XYLB: variants seen among roughly 807,000 people sequenced by gnomAD.
The protein encoded by XYLB is xylulose kinase.
Under a neutral mutation model 78.7 loss-of-function variants are expected in XYLB, and 62 were observed. The observed-to-expected ratio is 0.79, with a 90% CI of 0.64 to 0.97. The LOEUF is 0.97. Among genes scored for constraint, XYLB ranks in the 50% least tolerant of loss-of-function variants. The pLI is 0.00. For missense variants in XYLB, 687 were observed against 676.8 expected (o/e 1.02, Z -0.17); for synonymous variants, 245 against 247.4 (o/e 0.99, Z 0.09).
chr3:38,362,675 TGGA>T (rs1428757684), intron 3 of XYLB, among the ~76,000 whole-genome samples: 1 of 152,078 alleles, frequency 6.6e-6, no homozygotes, highest in African/African-American at 2.4e-5. Flanking sequence ...GAAAAAAAAA[TGGA>T]GAAGTAAAAT....
intron 18 of XYLB, among the ~76,000 whole-genome samples, chr3:38,404,490 A>G (rs555127165): frequency 1.3e-5 from 2 of 152,328 alleles, no homozygotes; most frequent in Non-Finnish European, 2.9e-5. Context: ...CTGCACCAAG[A>G]GTAGGCCCCA....
chr3:38,435,496 G>T, the XYLB span, among the ~76,000 whole-genome samples: 3 of 152,094 alleles, frequency 2.0e-5, 1 homozygote, highest in South Asian at 6.2e-4. Context: ...AATCATAGTG[G>T]GGGACTTCAA....
rs754073174 is a variant in XYLB at position 38,370,175 on chromosome 3, G to T, written c.765+1G>T. 6.2e-7 allele frequency: 1 copy of T among 1,609,322 alleles called. No homozygotes were observed. The highest frequency in any genetic ancestry group is 1.7e-5 in the Admixed American group (1 of 59,712). On this transcript the variant is annotated splice_donor_variant, in intron 9 of 18. Transcript: ENST00000207870. LOFTEE classifies it high-confidence loss of function. ...ACCAGTACCATCATGCTCAGTTGTG[G>T]TAGGTCTCCTTTCTGGTGATGTGGC...
At chr3:38,447,236 C>G in the XYLB span, among the ~76,000 whole-genome samples, 1 of 152,152 alleles carries the variant, frequency 6.6e-6, no homozygotes, top group African/African-American at 2.4e-5. Flanking sequence ...CTTATCCCAG[C>G]TGGAATGGCT....
At chr3:38,443,938 G>A in the XYLB span, among the ~76,000 whole-genome samples, 1 of 152,148 alleles carries the variant, frequency 6.6e-6, no homozygotes, top group Non-Finnish European at 1.5e-5. Context: ...CCCATGATCT[G>A]AGTCTAGGTC....
chr3:38,400,843 G>C (rs754171495), intron 17 of XYLB, 48 bp from the exon 18 acceptor site: 2 of 1,542,726 alleles, frequency 1.3e-6, no homozygotes, highest in South Asian at 2.3e-5. Context: ...TTTGGTTAAC[G>C]TCTTCACTTG....
At chr3:38,384,644 T>C (rs190144796) in intron 15 of XYLB, among the ~76,000 whole-genome samples, 1 of 152,220 alleles carries the variant, frequency 6.6e-6, no homozygotes, top group Admixed American at 6.5e-5. Context: ...AACAGAAATA[T>C]GGAATAAGAA....
chr3:38,360,590 TC>T (rs932327576), intron 3 of XYLB, among the ~76,000 whole-genome samples, 182 bp downstream of exon 3: 15 of 152,152 alleles, frequency 9.9e-5, no homozygotes, highest in African/African-American at 3.4e-4. Context: ...GTGTCAACAC[TC>T]CCAGGCTCAG....
chr3:38,441,725 G>A, the XYLB span, among the ~76,000 whole-genome samples: 1 of 152,134 alleles, frequency 6.6e-6, no homozygotes, highest in African/African-American at 2.4e-5. Context: ...GTATTATTTT[G>A]ATAGCCTCTG....
chr3:38,438,311 G>A, the XYLB span, among the ~76,000 whole-genome samples: 1 of 152,046 alleles, frequency 6.6e-6, no homozygotes, highest in Non-Finnish European at 1.5e-5. Context: ...CCAAGGAAGT[G>A]AAAGACCTGT....
At chr3:38,431,666 A>G in the XYLB span, among the ~76,000 whole-genome samples, 269 of 152,338 alleles carry the variant, frequency 1.8e-3, 3 homozygotes, top group African/African-American at 6.3e-3. Context: ...TTGCACATTC[A>G]GTATGATATT....
the XYLB span, among the ~76,000 whole-genome samples, chr3:38,448,428 C>T: frequency 2.6e-5 from 4 of 152,130 alleles, no homozygotes; most frequent in Non-Finnish European, 5.9e-5. Context: ...TTTCTCATGT[C>T]CTCCATGAAT....
At chr3:38,401,153 G>A in intron 18 of XYLB, 168 bp downstream of exon 18, 1 of 627,226 alleles carries the variant, frequency 1.6e-6, no homozygotes. Flanking sequence ...CATGTTGTCA[G>A]CTGCAAGTCA....
At chr3:38,436,302 A>T in the XYLB span, among the ~76,000 whole-genome samples, 1 of 152,310 alleles carries the variant, frequency 6.6e-6, no homozygotes, top group Non-Finnish European at 1.5e-5. Context: ...AATTATACAT[A>T]GACAAACTGG....
At chr3:38,384,434 A>G (rs1707290574) in intron 15 of XYLB, among the ~76,000 whole-genome samples, 1 of 152,168 alleles carries the variant, frequency 6.6e-6, no homozygotes, top group Admixed American at 6.5e-5. Context: ...TTTCCCCAGG[A>G]GGATGGCAGT....
At chr3:38,426,745 A>T in the XYLB span, among the ~76,000 whole-genome samples, 2 of 152,230 alleles carry the variant, frequency 1.3e-5, no homozygotes, top group Non-Finnish European at 2.9e-5. Flanking sequence ...TTGCAAAAAC[A>T]GAAAGGTGGG....
intron 2 of XYLB, chr3:38,357,188 C>G (rs769091867): frequency 3.3e-5 from 5 of 152,182 alleles, no homozygotes; most frequent in Non-Finnish European, 7.3e-5. Context: ...TTATAGCAAC[C>G]TGAGCAAACT....
the XYLB span, chr3:38,451,037 A>G: frequency 4.6e-5 from 7 of 152,332 alleles, no homozygotes; most frequent in Admixed American, 1.3e-4. Flanking sequence ...TTGCCAAGGA[A>G]GAAGGCTTTA....
chr3:38,347,572 C>G lies in XYLB; in HGVS notation c.57+647C>G, dbSNP rs138352147. ...GAGCACACCTGTAGTCCCAGTTTTT[C>G]TGGAGGCTGAAGCGGATCGCTTGAG... On this transcript the variant is annotated intron_variant, in intron 1 of 18. Transcript: ENST00000207870. Among the ~76,000 whole-genome samples the G allele has an allele frequency of 1.6e-4, 24 of 151,800 alleles. No individual in the cohort carries two copies. The East Asian group carries it at 3.5e-3, about 22-fold the overall frequency.
Sources: gnomAD v4.1 joint callset for allele counts (sites outside exome capture counted in the v4.1 genomes callset) on GRCh38, gnomAD v4.1.1 for gene constraint, MANE v1.5 for transcripts, NCBI Gene and HGNC (gene_info 2026-07-23, HGNC 2026-07-21) for gene names.